The following EVI5 variants were observed in gnomAD, a reference collection of about 807,000 sequenced individuals.
EVI5 encodes the protein ecotropic viral integration site 5.
A neutral mutation model predicts 112.0 loss-of-function variants in EVI5; 73 were observed. The observed-to-expected ratio is 0.65, with a 90% confidence interval of 0.54 to 0.79. The LOEUF (loss-of-function observed/expected upper bound fraction) is 0.79, where lower values mean the gene tolerates loss of function less well. Among genes scored for constraint, EVI5 ranks in the 30% least tolerant of loss-of-function variants. The pLI is 0.00. For synonymous variants in EVI5, 305 were observed against 319.9 expected (o/e 0.95, Z 0.50); for missense variants, 900 against 968.8 (o/e 0.93, Z 0.94).
intron 1 of EVI5, among the ~76,000 whole-genome samples, chr1:92,745,397 A>C (rs1056325488): frequency 1.2e-4 from 19 of 152,176 alleles, no homozygotes; most frequent in African/African-American, 4.6e-4. Context: ...TAATAATGAT[A>C]ATATTCACTG....
intron 19 of EVI5, among the ~76,000 whole-genome samples, chr1:92,536,492 C>A (rs1467942942): frequency 6.6e-6 from 1 of 152,120 alleles, no homozygotes; most frequent in East Asian, 1.9e-4. Context: ...TACAGCTATT[C>A]CACGCAAGTT....
At chr1:92,610,151 T>C (rs1651432093) in intron 16 of EVI5, among the ~76,000 whole-genome samples, 1 of 152,130 alleles carries the variant, frequency 6.6e-6, no homozygotes, top group East Asian at 1.9e-4. Context: ...TCTCCCAAAA[T>C]CCTGCGATCA....
intron 16 of EVI5, among the ~76,000 whole-genome samples, chr1:92,620,848 T>C (rs1282141541): frequency 6.6e-6 from 1 of 152,146 alleles, no homozygotes; most frequent in Non-Finnish European, 1.5e-5. Flanking sequence ...CATTAAAAGT[T>C]TTTCAATTTC....
intron 10 of EVI5, among the ~76,000 whole-genome samples, chr1:92,673,116 G>A (rs961547701): frequency 4.6e-5 from 7 of 151,322 alleles, no homozygotes; most frequent in African/African-American, 1.7e-4. Flanking sequence ...AAATAAATGT[G>A]AGCTTCAATT....
At chr1:92,682,651 G>A (rs1193597472) in intron 9 of EVI5, among the ~76,000 whole-genome samples, 1 of 152,092 alleles carries the variant, frequency 6.6e-6, no homozygotes, top group African/African-American at 2.4e-5. Flanking sequence ...TCTAGTCCCA[G>A]CTACTCAGGA....
At chr1:92,567,892 A>G (rs903819029) in intron 18 of EVI5, among the ~76,000 whole-genome samples, 1 of 152,200 alleles carries the variant, frequency 6.6e-6, no homozygotes, top group African/African-American at 2.4e-5. Flanking sequence ...TAGGAAAAAT[A>G]TATATTATTC....
intron 2 of EVI5, among the ~76,000 whole-genome samples, chr1:92,734,882 C>T (rs890297101): frequency 6.6e-6 from 1 of 151,964 alleles, no homozygotes; most frequent in African/African-American, 2.4e-5. Flanking sequence ...CAAATAAACA[C>T]ATAAAAAGAT....
intron 19 of EVI5, among the ~76,000 whole-genome samples, chr1:92,529,648 T>A (rs937026725): frequency 9.2e-5 from 14 of 152,212 alleles, no homozygotes; most frequent in Non-Finnish European, 1.9e-4. Flanking sequence ...GCTCCACATT[T>A]ATTGGTAGCT....
intron 2 of EVI5, among the ~76,000 whole-genome samples, chr1:92,723,210 A>T (rs1002020497): frequency 2.6e-5 from 4 of 152,186 alleles, no homozygotes; most frequent in African/African-American, 4.8e-5. Flanking sequence ...TCAGCAGTAC[A>T]TTTTTTTAAA....
chr1:92,674,112 A>C (rs980262419), intron 10 of EVI5, among the ~76,000 whole-genome samples: 1 of 152,208 alleles, frequency 6.6e-6, no homozygotes, highest in Non-Finnish European at 1.5e-5. Flanking sequence ...CTTGTAAAAG[A>C]GACTTTTGCG....
At chr1:92,601,075 T>C (rs1487293889) in intron 18 of EVI5, among the ~76,000 whole-genome samples, 1 of 152,062 alleles carries the variant, frequency 6.6e-6, no homozygotes, top group African/African-American at 2.4e-5. Flanking sequence ...ACAAATGCAA[T>C]AAGCATGAGC....
intron 1 of EVI5, among the ~76,000 whole-genome samples, chr1:92,780,838 A>G (rs986349976): frequency 6.7e-6 from 1 of 149,152 alleles, no homozygotes; most frequent in African/African-American, 2.5e-5. Context: ...TGTCTCAAAG[A>G]AAAAAAAAAG....
chr1:92,673,141 T>G (rs1051372732), intron 10 of EVI5, among the ~76,000 whole-genome samples: 3 of 151,890 alleles, frequency 2.0e-5, no homozygotes, highest in African/African-American at 7.3e-5. Context: ...TACTTCACAT[T>G]GATTGTTAAA....
chr1:92,613,296 T>A (rs1402514086), intron 16 of EVI5, among the ~76,000 whole-genome samples: 1 of 152,120 alleles, frequency 6.6e-6, no homozygotes, highest in African/African-American at 2.4e-5. Flanking sequence ...TATTTATTTA[T>A]TTAATTTATT....
chr1:92,549,893 A>T (rs981946313), intron 19 of EVI5, among the ~76,000 whole-genome samples: 13 of 152,278 alleles, frequency 8.5e-5, no homozygotes, highest in African/African-American at 2.6e-4. Context: ...ACTTTTACAC[A>T]GTTGGTGGGA....
chr1:92,636,116 G>A, intron 14 of EVI5, 86 bp downstream of exon 14: 1 of 1,079,550 alleles, frequency 9.3e-7, no homozygotes, highest in Non-Finnish European at 1.3e-6. Context: ...AAAACACCAA[G>A]TCAATTAAAT....
chr1:92,553,405 C>T (rs1667250452), intron 19 of EVI5, among the ~76,000 whole-genome samples: 2 of 148,632 alleles, frequency 1.3e-5, no homozygotes, highest in South Asian at 4.2e-4. Context: ...TGGGTTCAAG[C>T]GATTCTCCTG....
At chr1:92,562,528 TA>T (rs906755179) in intron 19 of EVI5, among the ~76,000 whole-genome samples, 28 of 147,674 alleles carry the variant, frequency 1.9e-4, no homozygotes, top group Middle Eastern at 3.5e-3. Flanking sequence ...AGACTCCGTC[TA>T]AAAAAAAAAA....
chr1:92,696,380 G>A (rs1357965419), intron 6 of EVI5, among the ~76,000 whole-genome samples: 1 of 151,752 alleles, frequency 6.6e-6, no homozygotes, highest in Non-Finnish European at 1.5e-5. Context: ...TTGGGAGGCT[G>A]AGATAGGAAG....
Sources: allele counts gnomAD v4.1 joint callset (sites outside exome capture counted in the v4.1 genomes callset), GRCh38; gene constraint gnomAD v4.1.1; transcripts MANE v1.5; gene names NCBI Gene and HGNC (gene_info 2026-07-23, HGNC 2026-07-21).